Variants in SNX12 observed in about 807,000 individuals in gnomAD.
The protein encoded by SNX12 is sorting nexin 12.
For synonymous variants in SNX12, 47 were observed against 56.0 expected (o/e 0.84, Z 0.71); for missense variants, 62 against 141.3 (o/e 0.44, Z 2.84).
chrX:71,071,321 T>C (rs1364047701), upstream of SNX12, among the ~76,000 whole-genome samples: 1 of 99,205 alleles, frequency 1.0e-5, no homozygotes, highest in Non-Finnish European at 2.0e-5. Context: ...GCAAAAAATA[T>C]TGTAGTATGA....
intron 1 of SNX12, among the ~76,000 whole-genome samples, chrX:71,064,935 CAAAT>C (rs1365465299): frequency 1.8e-5 from 2 of 112,766 alleles, no homozygotes; most frequent in Non-Finnish European, 3.7e-5. Flanking sequence ...ATCCAGTTCT[CAAAT>C]AGGCCATCAA....
upstream of SNX12, among the ~76,000 whole-genome samples, chrX:71,071,753 A>T (rs1404262387): frequency 1.2e-5 from 1 of 82,556 alleles, no homozygotes; most frequent in Non-Finnish European, 2.2e-5. Context: ...TATATAAATA[A>T]TTATTTATAT....
At chrX:71,072,436 A>C (rs1445590472), upstream of SNX12, among the ~76,000 whole-genome samples, 1 of 111,683 alleles carries the variant, frequency 9.0e-6, no homozygotes, top group African/African-American at 3.3e-5. Flanking sequence ...ATAAGCCCTG[A>C]GAAATGTCCA....
At chrX:71,069,607 T>C (rs1043240185), upstream of SNX12, among the ~76,000 whole-genome samples, 4 of 110,783 alleles carry the variant, frequency 3.6e-5, no homozygotes, top group Non-Finnish European at 7.6e-5. Flanking sequence ...AAAGGACAAA[T>C]AGGAGTGGAA....
chrX:71,061,183 G>A, intron 3 of SNX12, 65 bp from the exon 4 acceptor site: 2 of 951,583 alleles, frequency 2.1e-6, no homozygotes, highest in Non-Finnish European at 3.0e-6. Flanking sequence ...AGAGGGATGG[G>A]GATGTGGACA....
At chrX:71,064,125 T>C (rs2092142950) in intron 1 of SNX12, among the ~76,000 whole-genome samples, 1 of 111,832 alleles carries the variant, frequency 8.9e-6, no homozygotes, top group South Asian at 3.7e-4. Flanking sequence ...CATTTTTCAT[T>C]GTACAATTTG....
Position 71,068,220 on chromosome X carries a change from G to C in SNX12, c.87C>G (p.Phe29Leu). ...GAGGATTAAAGATGTCGATCTCCAGGAAGTTACTTGGCGGCCCGTAAGCGT... is the reference window on the plus strand; with the variant it reads ...GAGGATTAAAGATGTCGATCTCCAGCAAGTTACTTGGCGGCCCGTAAGCGT... ...LTDAYGPPSN[F>L]LEIDIFNPQT... Residue 29 changes from phenylalanine (F) to leucine (L), a missense_variant, in exon 1 of 4, where the codon TTC becomes TTG. Coordinates refer to ENST00000374274, the MANE Select transcript of SNX12 (RefSeq NM_013346.4). The C allele has an allele frequency of 8.3e-7, 1 of 1,210,852 alleles. No individual in the cohort carries two copies. Among genetic ancestry groups the C allele is most frequent in the Non-Finnish European group, 1.1e-6 (1 of 895,014 alleles).
intron 1 of SNX12, 91 bp downstream of exon 1, chrX:71,068,051 G>T: frequency 1.3e-6 from 1 of 788,996 alleles, no homozygotes; most frequent in Non-Finnish European, 1.7e-6. Flanking sequence ...CGTCTTCCCC[G>T]CCGTTAGTTG....
chrX:71,062,800 C>T, intron 2 of SNX12, 54 bp downstream of exon 2: 2 of 810,790 alleles, frequency 2.5e-6, no homozygotes, highest in Non-Finnish European at 3.7e-6. Flanking sequence ...TATGCCCACT[C>T]AGCCTATGCA....
chrX:71,062,436 G>A (rs191555170), intron 2 of SNX12, among the ~76,000 whole-genome samples: 76 of 94,901 alleles, frequency 8.0e-4, no homozygotes, highest in African/African-American at 2.7e-3. Flanking sequence ...GCAGTGGCAC[G>A]ATCTCAGCTA....
At chrX:71,061,327 C>T (rs2147692787) in intron 3 of SNX12, among the ~76,000 whole-genome samples, 1 of 111,837 alleles carries the variant, frequency 8.9e-6, no homozygotes, top group East Asian at 2.8e-4. Context: ...ATATAACCAA[C>T]ATGCAGTGCT....
At chrX:71,066,943 A>G (rs1469403408) in intron 1 of SNX12, among the ~76,000 whole-genome samples, 2 of 112,306 alleles carry the variant, frequency 1.8e-5, no homozygotes, top group African/African-American at 6.5e-5. Flanking sequence ...TAAGATTTCA[A>G]AGCCCAAGTA....
rs1471270012 is a variant in SNX12 at position 71,062,952 on chromosome X, A to G, written c.166-3T>C. 1.7e-6 allele frequency: 2 copies of G among 1,150,445 alleles called. No individual in the cohort carries two copies. Among genetic ancestry groups the G allele is most frequent in the Admixed American group, 4.5e-5 (2 of 44,921 alleles). 94.8% of individuals were successfully genotyped at this position (1,150,445 alleles called of 1,213,427 possible). A position where few individuals can be genotyped will look rare whatever the true frequency, so the allele number is the denominator to read the frequency against. On this transcript the variant is annotated splice_region_variant and splice_polypyrimidine_tract_variant and intron_variant, in intron 1 of 3. Transcript: ENST00000374274. Reference sequence around the variant, plus strand: ...AGCTTGAAGATAGGTAGGTTTGTCTACATGGAAGGAAAAATTAAAGAAGAA... The same window carrying G: ...AGCTTGAAGATAGGTAGGTTTGTCTGCATGGAAGGAAAAATTAAAGAAGAA...
upstream of SNX12, among the ~76,000 whole-genome samples, chrX:71,071,337 C>T (rs1004533222): frequency 2.1e-4 from 20 of 93,515 alleles, no homozygotes; most frequent in African/African-American, 6.2e-4. Context: ...TATGATATCA[C>T]TTGTATTAAT....
At chrX:71,071,540 T>G (rs1312406979), upstream of SNX12, among the ~76,000 whole-genome samples, 1 of 61,039 alleles carries the variant, frequency 1.6e-5, no homozygotes, top group Non-Finnish European at 2.7e-5. Flanking sequence ...TATATTTATA[T>G]ATATTATATA....
At chrX:71,062,368 CTTTTTTTTTTTT>C (rs761195647) in intron 2 of SNX12, among the ~76,000 whole-genome samples, 1 of 71,396 alleles carries the variant, frequency 1.4e-5, no homozygotes, top group African/African-American at 6.0e-5. Context: ...TTACCACTTT[CTTTTTTTTTTTT>C]TTTTTTTTTT....
intron 2 of SNX12, 33 bp downstream of exon 2, chrX:71,062,821 T>C: frequency 9.6e-7 from 1 of 1,042,156 alleles, no homozygotes. Flanking sequence ...GAGCTCCTCC[T>C]CCAAAGATGC....
chrX:71,073,024 G>C (rs1362218304), upstream of SNX12, among the ~76,000 whole-genome samples: 1 of 69,015 alleles, frequency 1.4e-5, no homozygotes, highest in African/African-American at 5.6e-5. Context: ...CTGTACCTCA[G>C]TTATCACACA....
At chrX:71,062,425 T>C (rs984095196) in intron 2 of SNX12, among the ~76,000 whole-genome samples, 1 of 96,469 alleles carries the variant, frequency 1.0e-5, no homozygotes, top group African/African-American at 4.2e-5. Context: ...CAGGCTGGAG[T>C]GCAGTGGCAC....
Sources: allele counts gnomAD v4.1 joint callset (sites outside exome capture counted in the v4.1 genomes callset), GRCh38; gene constraint gnomAD v4.1.1; transcripts MANE v1.5; gene names NCBI Gene and HGNC (gene_info 2026-07-23, HGNC 2026-07-21).